GNAT2: variants seen among roughly 807,000 people sequenced by gnomAD.
The protein encoded by GNAT2 is guanine nucleotide-binding protein G(t) subunit alpha-2.
Under a neutral mutation model 40.9 loss-of-function variants are expected in GNAT2, and 32 were observed. That is an observed-to-expected ratio of 0.78 (90% CI 0.59 to 1.05). GNAT2 has a LOEUF of 1.05. Among genes scored for constraint, GNAT2 ranks in the 50% least tolerant of loss-of-function variants. The probability of loss-of-function intolerance (pLI) is 0.00; values close to 1 mark genes in which losing one functional copy is unlikely to be tolerated. For synonymous variants in GNAT2, 141 were observed against 157.2 expected, an observed-to-expected ratio of 0.90 and a Z score of 0.77; for missense variants, 355 against 431.5, an observed-to-expected ratio of 0.82 and a Z score of 1.57.
chr1:109,605,731 T>G, intron 7 of GNAT2: 1 of 481,022 alleles, frequency 2.1e-6, no homozygotes, highest in Non-Finnish European at 3.9e-6. Flanking sequence ...AAGTGATACT[T>G]AGATGTCTAA....
At chr1:109,608,814 ACTT>A (rs775416035) in intron 4 of GNAT2, 26 bp from the exon 5 acceptor site, 1 of 1,601,578 alleles carries the variant, frequency 6.2e-7, no homozygotes, top group African/African-American at 1.3e-5. Flanking sequence ...CTGGTTAAGA[ACTT>A]CACAGGAGTA....
rs181423531 is a variant in GNAT2 at position 109,603,206 on chromosome 1, G to T, written c.*148C>A. On this transcript the variant is annotated 3_prime_UTR_variant, in exon 9 of 9. Transcript: ENST00000679935. ...ATAGCTATCCCACTTTGAAAAGAAC[G>T]TATGAAATACAGTTGCAGTCATGTA... The T allele has an allele frequency of 3.0e-6, 2 of 675,456 alleles. No individual in the cohort carries two copies. The highest frequency in any genetic ancestry group is 2.7e-5 in the East Asian group (1 of 36,844). The allele number at this position is 675,456 out of a possible 1,614,324, so 41.8% of individuals were successfully genotyped here.
intron 2 of GNAT2, chr1:109,611,015 CTT>C (rs142250099): frequency 1.8e-3 from 299 of 169,296 alleles, no homozygotes; most frequent in South Asian, 5.6e-3. Context: ...TGCTGGTTCC[CTT>C]TTTTTTTTTT....
intron 1 of GNAT2, chr1:109,615,704 A>T (rs1649935986): frequency 6.5e-6 from 1 of 153,202 alleles, no homozygotes; most frequent in Non-Finnish European, 1.5e-5. Flanking sequence ...GAATCGCTTG[A>T]ACCCGGGAGG....
chr1:109,603,846 A>G (rs2101121659), intron 8 of GNAT2, 105 bp downstream of exon 8: 1 of 881,318 alleles, frequency 1.1e-6, no homozygotes, highest in East Asian at 2.4e-5. Flanking sequence ...AACTGTGCCC[A>G]AGGTTCTCCC....
Position 109,612,880 on chromosome 1 carries a change from C to A in GNAT2, c.-10G>T. 6.4e-7 allele frequency: 1 copy of A among 1,556,982 alleles called. No homozygotes were observed. The highest frequency in any genetic ancestry group is 8.9e-7 in the Non-Finnish European group (1 of 1,128,586). ...TGGCTCCACTTCCCATATTTGCCGT[C>A]TTGTCAGCTTTTTCAGGCCCCTAAT... On this transcript the variant is annotated 5_prime_UTR_variant, in exon 2 of 9. Coordinates refer to ENST00000679935, the MANE Select transcript of GNAT2 (RefSeq NM_001377295.2).
At position 109,610,457 on chromosome 1, in the gene GNAT2, C is replaced by A. The variant is rs1216997840; in HGVS notation, c.161+8G>T. ...TATCTTGTCTTTTGGGGCTTTGTTT[C>A]TACTCACTTCATCTGTTTGACGATG... On this transcript the variant is annotated splice_region_variant and intron_variant, in intron 3 of 8. Transcript: ENST00000679935. 5 of 1,612,874 alleles carry A rather than the reference C, an allele frequency of 3.1e-6. No individual in the cohort carries two copies. The highest frequency in any genetic ancestry group is 4.2e-6 in the Non-Finnish European group (5 of 1,179,012).
In GNAT2 at chr1:109,608,797, C is replaced by T; in HGVS notation, c.304-9G>A. ...AGCTGTCGCCCGTCATCCTGTAATGCAGAAACCTGGTTAAGAACTTCACAG... is the reference window on the plus strand; with the variant it reads ...AGCTGTCGCCCGTCATCCTGTAATGTAGAAACCTGGTTAAGAACTTCACAG... On this transcript the variant is annotated splice_polypyrimidine_tract_variant and intron_variant, in intron 4 of 8. Transcript: ENST00000679935. The T allele has an allele frequency of 6.2e-7, 1 of 1,612,692 alleles. No homozygotes were observed. The highest frequency in any genetic ancestry group is 8.5e-7 in the Non-Finnish European group (1 of 1,178,722).
intron 7 of GNAT2, 157 bp downstream of exon 7, chr1:109,605,813 T>C (rs1649573721): frequency 7.0e-6 from 5 of 711,926 alleles, no homozygotes; most frequent in South Asian, 5.9e-5. Flanking sequence ...GAAGAAGTTG[T>C]TTTTTAGAAT....
Position 109,610,167 on chromosome 1 carries a change from T to C in GNAT2, c.176A>G (p.Asp59Gly). 6.2e-7 allele frequency: 1 copy of C among 1,614,060 alleles called. No homozygotes were observed. The highest frequency in any genetic ancestry group is 2.2e-5 in the East Asian group (1 of 44,880). The change falls in exon 4 of 9, where the codon GAT (aspartate) becomes GGT (glycine). Residue 59 changes from aspartate to glycine, a missense_variant. Asp to Gly is a moderately conservative substitution (Grantham distance 94, BLOSUM62 -1). Transcript: ENST00000679935. ...CAGGCATTCTTCTGGTGAATAGCCA[T>C]CCTGGTGAATGATCCTGCAAGGGGC... ...IVKQMKIIHQ[D>G]GYSPEECLEF...
rs1017019430 is a variant in GNAT2 at position 109,603,737 on chromosome 1, T to C, written c.875-193A>G. 3 of 660,066 alleles carry C rather than the reference T, an allele frequency of 4.5e-6. No individual in the cohort carries two copies. In the East Asian group the frequency reaches 8.1e-5, roughly 18 times the overall value. 40.9% of individuals were successfully genotyped at this position (660,066 alleles called of 1,614,324 possible). On this transcript the variant is annotated intron_variant, in intron 8 of 8. Coordinates refer to ENST00000679935, the MANE Select transcript of GNAT2 (RefSeq NM_001377295.2). ...GTTGAAAAGAAATTGAGGAGAGGTGTCTTTCCACCTTTGGTTTTCAGTAGG... is the reference window on the plus strand; with the variant it reads ...GTTGAAAAGAAATTGAGGAGAGGTGCCTTTCCACCTTTGGTTTTCAGTAGG...
Position 109,610,527 on chromosome 1 carries a change from T to C in GNAT2, c.119-20A>G, listed in dbSNP as rs1649764544. 1.9e-6 allele frequency: 3 copies of C among 1,611,244 alleles called. No homozygotes were observed. Among genetic ancestry groups the C allele is most frequent in the Non-Finnish European group, 2.5e-6 (3 of 1,177,492 alleles). ...CAGCACCTGGAAGGAAAAATGCTTA[T>C]GCTTTCGATTTCCACCAGTTCTCCT... is the stretch of plus-strand genomic sequence containing the variant. On this transcript the variant is annotated intron_variant, in intron 2 of 8. Coordinates refer to ENST00000679935, the MANE Select transcript of GNAT2 (RefSeq NM_001377295.2).
rs1557919550 is a variant in GNAT2, at chr1:109,607,909, CAGTA to C, written c.461+718_461+721del. On this transcript the variant is annotated intron_variant, in intron 5 of 8. Coordinates refer to ENST00000679935, the MANE Select transcript of GNAT2 (RefSeq NM_001377295.2). ...GACTGGGCTTTGAGTGCTCCGGGAA[CAGTA>C]AGTGATAGCATTATTACAAGATTAG... The C allele has an allele frequency of 2.5e-5, 4 of 159,258 alleles. No individual in the cohort carries two copies. In the South Asian group the frequency reaches 5.2e-4, roughly 21 times the overall value. The allele number at this position is 159,258 out of a possible 1,614,324, so 9.9% of individuals were successfully genotyped here.
Position 109,608,722 on chromosome 1 carries a change from C to T in GNAT2, c.370G>A (p.Val124Met), listed in dbSNP as rs41280330. The T allele has an allele frequency of 6.7e-3, 10,802 of 1,613,258 alleles. 48 individuals are homozygous for T. The highest frequency in any genetic ancestry group is 7.8e-3 in the Non-Finnish European group (9,206 of 1,179,200). The stretch of plus-strand genomic sequence containing the variant: ...TTCCACAACCTCCTAATGACCTCCA[C>T]GAGCTCAGGAGGCATGGTTCCCTCC... Reference protein sequence around the residue: ...IEEGTMPPELVEVIRRLWKDG... With the variant: ...IEEGTMPPELMEVIRRLWKDG... Residue 124 changes from valine (V) to methionine (M), a missense_variant, in exon 5 of 9, where the codon GTG (valine) becomes ATG (methionine). Coordinates refer to ENST00000679935, the MANE Select transcript of GNAT2 (RefSeq NM_001377295.2).
chr1:109,614,125 A>G (rs1021166118), intron 1 of GNAT2: 2 of 152,264 alleles, frequency 1.3e-5, no homozygotes, highest in Non-Finnish European at 2.9e-5. Context: ...AGAGCCAGCA[A>G]CATCAGATCA....
intron 1 of GNAT2, chr1:109,616,801 G>T (rs1276424640): frequency 6.6e-6 from 1 of 152,224 alleles, no homozygotes; most frequent in Non-Finnish European, 1.5e-5. Flanking sequence ...TTTGGGGAAA[G>T]GAAAGAGCAT....
At chr1:109,608,860 T>C in intron 4 of GNAT2, 72 bp from the exon 5 acceptor site, 1 of 1,137,038 alleles carries the variant, frequency 8.8e-7, no homozygotes, top group South Asian at 1.3e-5. Context: ...GGAATACTGC[T>C]GAATGGAAAT....
intron 2 of GNAT2, chr1:109,610,860 C>T (rs952811107): frequency 7.7e-6 from 3 of 389,314 alleles, no homozygotes; most frequent in Non-Finnish European, 1.5e-5. Context: ...CAGTCAAAAT[C>T]TTCCTGTTGA....
Position 109,606,302 on chromosome 1 carries a change from A to G in GNAT2, c.590+6T>C, listed in dbSNP as rs767182806. 4.3e-6 allele frequency: 7 copies of G among 1,613,720 alleles called. No homozygotes were observed. The highest frequency in any genetic ancestry group is 1.7e-5 in the Admixed American group (1 of 60,012). On this transcript the variant is annotated splice_donor_region_variant and intron_variant, in intron 6 of 8. Coordinates refer to ENST00000679935, the MANE Select transcript of GNAT2 (RefSeq NM_001377295.2). ...TCCGAGATGCCCTAGGGAACCATGCACTTACCTGAAATTCAAGTCTTTGAC... is the reference window on the plus strand; with the variant it reads ...TCCGAGATGCCCTAGGGAACCATGCGCTTACCTGAAATTCAAGTCTTTGAC...
Sources: allele counts gnomAD v4.1 joint callset, GRCh38; gene constraint gnomAD v4.1.1; transcripts MANE v1.5; gene names NCBI Gene and HGNC (gene_info 2026-07-23, HGNC 2026-07-21).